The following STAT4 variants were observed in gnomAD, a reference collection of about 807,000 sequenced individuals.
STAT4 encodes signal transducer and activator of transcription 4.
In STAT4, 42 loss-of-function variants were observed where a neutral mutation model predicts 110.5. The ratio of observed to expected loss-of-function variants is 0.38; its 90% CI spans 0.30 to 0.49. STAT4 has a LOEUF of 0.49. Ranked by LOEUF, STAT4 falls within the 20% of genes least tolerant of loss-of-function variation. STAT4 has a pLI of 0.95. For missense variants in STAT4, 632 were observed against 887.9 expected (o/e 0.71, Z 3.66); for synonymous variants, 284 against 302.2 (o/e 0.94, Z 0.63).
chr2:191,108,618 G>T (rs1426866836), intron 3 of STAT4, among the ~76,000 whole-genome samples: 2 of 152,160 alleles, frequency 1.3e-5, no homozygotes, highest in Non-Finnish European at 2.9e-5. Flanking sequence ...GTTATACAGA[G>T]CTTAAAAGCA....
chr2:191,073,232 G>C lies in STAT4; in HGVS notation c.373-42C>G, dbSNP rs370980009. The C allele has an allele frequency of 2.6e-6, 4 of 1,563,170 alleles. No individual in the cohort carries two copies. The African/African-American group carries it at 5.4e-5, about 21-fold the overall frequency. On this transcript the variant is annotated intron_variant, in intron 4 of 23. Transcript: ENST00000392320. ...TTGAAATCTCTCTGGTTTTGAAAAG[G>C]TTTATGATGAATGCAATACATACCG...
chr2:191,122,767 T>C (rs1355479423), intron 3 of STAT4, among the ~76,000 whole-genome samples: 3 of 152,218 alleles, frequency 2.0e-5, no homozygotes, highest in African/African-American at 2.4e-5. Flanking sequence ...AGAAAATTAT[T>C]CTGTGAAATT....
chr2:191,095,195 T>C lies in STAT4; in HGVS notation c.274-18870A>G, dbSNP rs545358521. ...GACTTTAACACCCCACTGTCAATAT[T>C]AGACAGATCAACGAGACAGGTTAAC... On this transcript the variant is annotated intron_variant, in intron 3 of 23. Coordinates refer to ENST00000392320, the MANE Select transcript of STAT4 (RefSeq NM_003151.4). 5.9e-5 allele frequency among the ~76,000 whole-genome samples: 9 copies of C among 152,192 alleles called. No homozygotes were observed. The South Asian group carries it at 1.9e-3, about 32-fold the overall frequency.
rs1697001292 is a variant in STAT4, at chr2:191,066,793, GA to G, written c.545-279del. ...TTTGTTTTGGTGGTGGTGGACAGAG[GA>G]GATAAAGTTGCTGTAATGGATGCCT... is the stretch of plus-strand genomic sequence containing the variant. On this transcript the variant is annotated intron_variant, in intron 6 of 23. Coordinates refer to ENST00000392320, the MANE Select transcript of STAT4 (RefSeq NM_003151.4). This position sits in a 1 kb window ranked among gnomAD's most constrained non-coding sequence, Gnocchi z 4.3. Among the ~76,000 whole-genome samples the G allele has an allele frequency of 6.6e-6, 1 of 152,142 alleles. No individual in the cohort carries two copies. The highest frequency in any genetic ancestry group is 1.5e-5 in the Non-Finnish European group (1 of 68,030).
intron 3 of STAT4, among the ~76,000 whole-genome samples, chr2:191,109,474 T>A (rs1347932649): frequency 6.6e-6 from 1 of 152,126 alleles, no homozygotes; most frequent in East Asian, 1.9e-4. Flanking sequence ...TCTCATGTAG[T>A]CTCCCTTCAA....
In STAT4 at chr2:191,059,415, T is replaced by G. The variant is rs1418572489; in HGVS notation, c.1035-646A>C. On this transcript the variant is annotated intron_variant, in intron 10 of 23. Transcript: ENST00000392320. The surrounding 1 kb of genome is among the most constrained non-coding windows in gnomAD (Gnocchi z 4.7). ...TGCTTTCTCCAGCTCCTCAGATTTC[T>G]GTCCTGTGATGTAACCTACCTGTGG... Among the ~76,000 whole-genome samples the G allele has an allele frequency of 6.6e-6, 1 of 152,238 alleles. No homozygotes were observed. Among genetic ancestry groups the G allele is most frequent in the Non-Finnish European group, 1.5e-5 (1 of 68,048 alleles).
intron 3 of STAT4, among the ~76,000 whole-genome samples, chr2:191,079,239 G>GCA (rs1559057253): frequency 7.9e-5 from 2 of 25,278 alleles, no homozygotes; most frequent in South Asian, 7.5e-3. Flanking sequence ...GTCAAGTCAC[G>GCA]CACACACACA....
chr2:191,091,086 C>G lies in STAT4; in HGVS notation c.274-14761G>C, dbSNP rs1223149172. On this transcript the variant is annotated intron_variant, in intron 3 of 23. Coordinates refer to ENST00000392320, the MANE Select transcript of STAT4 (RefSeq NM_003151.4). This position sits in a 1 kb window ranked among gnomAD's most constrained non-coding sequence, Gnocchi z 5.4. The stretch of plus-strand genomic sequence containing the variant: ...TTTACTCTGTGATAAGAACAGATAT[C>G]TCGTCATCATTAGAAAGTGTTTAGA... 6.6e-6 allele frequency among the ~76,000 whole-genome samples: 1 copy of G among 152,110 alleles called. No individual in the cohort carries two copies. Among genetic ancestry groups the G allele is most frequent in the African/African-American group, 2.4e-5 (1 of 41,412 alleles).
chr2:191,122,049 A>C (rs928367559), intron 3 of STAT4: 1 of 152,160 alleles, frequency 6.6e-6, no homozygotes, highest in African/African-American at 2.4e-5. Flanking sequence ...AAAGCATTCC[A>C]TATTTTTTTT....
At chr2:191,130,346 C>A (rs1699001153) in intron 3 of STAT4, among the ~76,000 whole-genome samples, 1 of 151,438 alleles carries the variant, frequency 6.6e-6, no homozygotes, top group Admixed American at 6.6e-5. Context: ...CCTCAGCCTC[C>A]CAAGTAGCTT....
chr2:191,124,560 T>A (rs938686492), intron 3 of STAT4, among the ~76,000 whole-genome samples: 1 of 152,132 alleles, frequency 6.6e-6, no homozygotes, highest in South Asian at 2.1e-4. Flanking sequence ...CACAGTCTTA[T>A]GCAGGAGGCA....
At position 191,033,861 on chromosome 2, in the gene STAT4, G is replaced by C. The variant is rs777972993; in HGVS notation, c.1715+50C>G. On this transcript the variant is annotated intron_variant, in intron 19 of 23. Coordinates refer to ENST00000392320, the MANE Select transcript of STAT4 (RefSeq NM_003151.4). The surrounding 1 kb of genome is among the most constrained non-coding windows in gnomAD (Gnocchi z 6.9). ...AGAAAGAAGAAAACCAATAACAACAGAAAAAAAGAACATAATTAACTCATA... is the reference window on the plus strand; with the variant it reads ...AGAAAGAAGAAAACCAATAACAACACAAAAAAAGAACATAATTAACTCATA... The C allele has an allele frequency of 2.7e-6, 4 of 1,474,398 alleles. No homozygotes were observed. Among genetic ancestry groups the C allele is most frequent in the Non-Finnish European group, 3.7e-6 (4 of 1,082,842 alleles). The allele number at this position is 1,474,398 out of a possible 1,614,324, so 91.3% of individuals were successfully genotyped here.
intron 3 of STAT4, among the ~76,000 whole-genome samples, chr2:191,129,670 G>T (rs112262250): frequency 3.3e-5 from 5 of 151,992 alleles, no homozygotes; most frequent in Non-Finnish European, 7.4e-5. Context: ...TCATTTAACC[G>T]CCAGAATGAG....
At chr2:191,087,464 A>G (rs1385324647) in intron 3 of STAT4, among the ~76,000 whole-genome samples, 1 of 152,182 alleles carries the variant, frequency 6.6e-6, no homozygotes, top group Non-Finnish European at 1.5e-5. Context: ...AAAAATTTGC[A>G]TCTGTAGAGA....
At chr2:191,101,335 A>C (rs1187515486) in intron 3 of STAT4, among the ~76,000 whole-genome samples, 1 of 152,202 alleles carries the variant, frequency 6.6e-6, no homozygotes, top group Non-Finnish European at 1.5e-5. Context: ...TTAAAAATAA[A>C]ATTCAGAGCA....
At chr2:191,118,210 C>T (rs1698622636) in intron 3 of STAT4, among the ~76,000 whole-genome samples, 1 of 152,166 alleles carries the variant, frequency 6.6e-6, no homozygotes, top group African/African-American at 2.4e-5. Flanking sequence ...AGCAATTTCA[C>T]TTTTAGAAAT....
intron 4 of STAT4, among the ~76,000 whole-genome samples, chr2:191,075,799 T>C (rs1312489947): frequency 6.6e-6 from 1 of 151,318 alleles, no homozygotes; most frequent in Non-Finnish European, 1.5e-5. Flanking sequence ...TAAAAGAAGC[T>C]GGAAAAGATT....
rs1698398458 is a variant in STAT4 at position 191,110,626 on chromosome 2, T to C, written c.274-34301A>G. On this transcript the variant is annotated intron_variant, in intron 3 of 23. Coordinates refer to ENST00000392320, the MANE Select transcript of STAT4 (RefSeq NM_003151.4). The surrounding 1 kb of genome is among the most constrained non-coding windows in gnomAD (Gnocchi z 4.5). ...TTAAAGTGCTTTTTGTTTCGTGGTA[T>C]ACATGTATCCAAGATGGGGAATTTA... Among the ~76,000 whole-genome samples the C allele has an allele frequency of 6.6e-6, 1 of 152,188 alleles. No individual in the cohort carries two copies.
At position 191,104,038 on chromosome 2, in the gene STAT4, C is replaced by G. The variant is rs1698212650; in HGVS notation, c.274-27713G>C. Among the ~76,000 whole-genome samples the G allele has an allele frequency of 6.6e-6, 1 of 152,106 alleles. No individual in the cohort carries two copies. The highest frequency in any genetic ancestry group is 6.6e-5 in the Admixed American group (1 of 15,262). On this transcript the variant is annotated intron_variant, in intron 3 of 23. Coordinates refer to ENST00000392320, the MANE Select transcript of STAT4 (RefSeq NM_003151.4). This position sits in a 1 kb window ranked among gnomAD's most constrained non-coding sequence, Gnocchi z 4.3. ...ATAGGTTGCTAAGTGTTCTAGGTAT[C>G]AAGGCCTTTGTGATAGCTTTTTGAT...
Sources: gnomAD v4.1 joint callset for allele counts (sites outside exome capture counted in the v4.1 genomes callset) on GRCh38, gnomAD v4.1.1 for gene constraint, Gnocchi (gnomAD v3.1) non-coding constraint, MANE v1.5 for transcripts, NCBI Gene and HGNC (gene_info 2026-07-23, HGNC 2026-07-21) for gene names.